SSBP2: variants seen among roughly 807,000 people sequenced by gnomAD.
The protein encoded by SSBP2 is single-stranded DNA-binding protein 2.
In SSBP2, 17 loss-of-function variants were observed where a neutral mutation model predicts 61.8. The ratio of observed to expected loss-of-function variants is 0.28; its 90% CI spans 0.19 to 0.41. SSBP2 has a LOEUF of 0.41. Among genes scored for constraint, SSBP2 ranks in the 10% least tolerant of loss-of-function variants. The pLI is 1.00. For synonymous variants in SSBP2, 139 were observed against 141.3 expected (o/e 0.98, Z 0.12); for missense variants, 310 against 458.7 (o/e 0.68, Z 2.96).
intron 4 of SSBP2, among the ~76,000 whole-genome samples, chr5:81,589,733 A>C (rs1775347504): frequency 6.6e-6 from 1 of 152,216 alleles, no homozygotes; most frequent in South Asian, 2.1e-4. Flanking sequence ...TATTTTATAA[A>C]TAAAAGATAT....
Position 81,418,980 on chromosome 5 carries a change from T to G in SSBP2, c.*1524A>C, listed in dbSNP as rs1036300218. 1 of 152,206 alleles carries G rather than the reference T, an allele frequency of 6.6e-6. No individual in the cohort carries two copies. The highest frequency in any genetic ancestry group is 1.5e-5 in the Non-Finnish European group (1 of 68,024). 9.4% of individuals were successfully genotyped at this position (152,206 alleles called of 1,614,324 possible). On this transcript the variant is annotated 3_prime_UTR_variant, in exon 17 of 17. Transcript: ENST00000320672. ...CATAGTTGGTATTTATCAATGGTTG[T>G]TTGTATCACAATTTTAACACAAAGG...
intron 15 of SSBP2, 55 bp downstream of exon 15, chr5:81,437,375 G>C: frequency 6.6e-7 from 1 of 1,519,894 alleles, no homozygotes; most frequent in Non-Finnish European, 9.0e-7. Flanking sequence ...ATTTTAATGA[G>C]TTCCATGTTA....
chr5:81,431,318 AC>A (rs1408093805), intron 15 of SSBP2, among the ~76,000 whole-genome samples: 2 of 152,142 alleles, frequency 1.3e-5, no homozygotes, highest in Admixed American at 6.5e-5. Flanking sequence ...TTTATTCCCT[AC>A]TTTAAGAGTT....
At chr5:81,504,863 T>C (rs1768059038) in intron 5 of SSBP2, among the ~76,000 whole-genome samples, 1 of 152,238 alleles carries the variant, frequency 6.6e-6, no homozygotes, top group Admixed American at 6.5e-5. Context: ...TCTTAGCTAG[T>C]GATCCTCAAA....
chr5:81,566,426 G>T (rs762086952), intron 4 of SSBP2, among the ~76,000 whole-genome samples: 1 of 152,244 alleles, frequency 6.6e-6, no homozygotes, highest in East Asian at 1.9e-4. Flanking sequence ...CTGCTTTTGC[G>T]TCTTCCTTAT....
chr5:81,628,360 C>A lies in SSBP2; in HGVS notation c.197+8197G>T, dbSNP rs1167003685. ...ATTACCTCTCACCAAGTCCCTCCCA[C>A]CACACGTGGGGATTATGGGAACTAC... On this transcript the variant is annotated intron_variant, in intron 3 of 16. Coordinates refer to ENST00000320672, the MANE Select transcript of SSBP2 (RefSeq NM_012446.5). Among the ~76,000 whole-genome samples the A allele has an allele frequency of 3.3e-5, 5 of 152,310 alleles. No homozygotes were observed. The East Asian group carries it at 9.7e-4, about 29-fold the overall frequency.
chr5:81,522,305 T>C (rs1769551889), intron 4 of SSBP2, among the ~76,000 whole-genome samples: 1 of 152,072 alleles, frequency 6.6e-6, no homozygotes, highest in Admixed American at 6.6e-5. Flanking sequence ...TGTAACATGA[T>C]TTTAGTTATG....
At chr5:81,444,718 G>A (rs1280827217) in intron 12 of SSBP2, among the ~76,000 whole-genome samples, 1 of 152,080 alleles carries the variant, frequency 6.6e-6, no homozygotes, top group Non-Finnish European at 1.5e-5. Flanking sequence ...CTTGGTAAAA[G>A]GAAGATGGGC....
intron 5 of SSBP2, among the ~76,000 whole-genome samples, chr5:81,509,083 A>G (rs531520171): frequency 3.3e-4 from 51 of 152,276 alleles, no homozygotes; most frequent in Middle Eastern, 3.4e-3. Flanking sequence ...GGCTGGAAAA[A>G]CTATTTAGCA....
intron 14 of SSBP2, among the ~76,000 whole-genome samples, chr5:81,439,271 T>C (rs965637484): frequency 6.6e-6 from 1 of 152,158 alleles, no homozygotes; most frequent in Non-Finnish European, 1.5e-5. Flanking sequence ...CATTGTCAAC[T>C]TTTAAATTAG....
At chr5:81,654,030 C>G (rs938605811) in intron 1 of SSBP2, among the ~76,000 whole-genome samples, 11 of 150,602 alleles carry the variant, frequency 7.3e-5, no homozygotes, top group African/African-American at 2.2e-4. Context: ...CTTGCTCTAT[C>G]ATCTGGCTGG....
At chr5:81,572,320 C>G (rs1773899781) in intron 4 of SSBP2, among the ~76,000 whole-genome samples, 1 of 152,114 alleles carries the variant, frequency 6.6e-6, no homozygotes, top group South Asian at 2.1e-4. Context: ...TGACAGTATT[C>G]CTCTGTGACA....
chr5:81,623,446 C>T (rs1262871759), intron 3 of SSBP2, among the ~76,000 whole-genome samples: 1 of 151,644 alleles, frequency 6.6e-6, no homozygotes, highest in Non-Finnish European at 1.5e-5. Flanking sequence ...CGCCATTCTC[C>T]TGCCTCAGCC....
chr5:81,676,783 A>T (rs990250703), intron 1 of SSBP2, among the ~76,000 whole-genome samples: 2 of 152,232 alleles, frequency 1.3e-5, no homozygotes, highest in African/African-American at 4.8e-5. Context: ...TAGTTATTTT[A>T]GAATTTAATA....
At chr5:81,619,470 C>T (rs1426007754) in intron 3 of SSBP2, among the ~76,000 whole-genome samples, 6 of 111,802 alleles carry the variant, frequency 5.4e-5, no homozygotes, top group Non-Finnish European at 9.1e-5. Context: ...CAATAGTTTA[C>T]CAACCAAAAA....
At chr5:81,457,609 A>G (rs1764249122) in intron 10 of SSBP2, among the ~76,000 whole-genome samples, 1 of 152,152 alleles carries the variant, frequency 6.6e-6, no homozygotes, top group African/African-American at 2.4e-5. Context: ...AACATCAACA[A>G]TAATGGGACA....
chr5:81,654,658 G>A (rs1319964869), intron 1 of SSBP2, among the ~76,000 whole-genome samples: 1 of 152,136 alleles, frequency 6.6e-6, no homozygotes, highest in Non-Finnish European at 1.5e-5. Flanking sequence ...CCCGACAAAA[G>A]GACACTGATT....
intron 6 of SSBP2, among the ~76,000 whole-genome samples, chr5:81,479,680 G>A (rs1209908878): frequency 1.3e-5 from 2 of 152,074 alleles, no homozygotes; most frequent in African/African-American, 4.8e-5. Flanking sequence ...AAATATCCAT[G>A]GTAACACACA....
intron 4 of SSBP2, among the ~76,000 whole-genome samples, chr5:81,610,591 T>A (rs910524076): frequency 7.2e-5 from 11 of 152,154 alleles, no homozygotes; most frequent in African/African-American, 1.9e-4. Context: ...TCATTTGTGA[T>A]TTTAAACCCA....
Sources: gnomAD v4.1 joint callset for allele counts (sites outside exome capture counted in the v4.1 genomes callset) on GRCh38, gnomAD v4.1.1 for gene constraint, MANE v1.5 for transcripts, NCBI Gene and HGNC (gene_info 2026-07-23, HGNC 2026-07-21) for gene names.